Variants in MFSD11 observed in about 807,000 individuals in gnomAD.
MFSD11 encodes major facilitator superfamily domain containing 11.
In MFSD11, 36 loss-of-function variants were observed where a neutral mutation model predicts 53.5. The observed-to-expected ratio is 0.67, with a 90% CI of 0.52 to 0.89. The LOEUF (loss-of-function observed/expected upper bound fraction) is 0.89. Among genes scored for constraint, MFSD11 ranks in the 40% least tolerant of loss-of-function variants. The pLI is 0.00. For missense variants in MFSD11, 530 were observed against 543.9 expected, an observed-to-expected ratio of 0.97 and a Z score of 0.25; for synonymous variants, 186 against 184.9, an observed-to-expected ratio of 1.01 and a Z score of -0.05.
At chr17:76,746,078 A>G (rs1220019438) in intron 7 of MFSD11, among the ~76,000 whole-genome samples, 2 of 152,180 alleles carry the variant, frequency 1.3e-5, no homozygotes, top group African/African-American at 4.8e-5. Context: ...TGCAAAGGAA[A>G]AGTTTTTGAA....
the MFSD11 span, among the ~76,000 whole-genome samples, chr17:76,786,469 A>C: frequency 1.3e-5 from 2 of 152,138 alleles, no homozygotes; most frequent in Non-Finnish European, 2.9e-5. Flanking sequence ...TTGGGGATTC[A>C]CTAGGACTCA....
intron 2 of MFSD11, 138 bp from the exon 3 acceptor site, chr17:76,740,819 T>G: frequency 1.6e-6 from 1 of 609,644 alleles, no homozygotes; most frequent in Non-Finnish European, 2.9e-6. Flanking sequence ...TTGAATGATA[T>G]AACTATCATA....
Position 76,775,181 on chromosome 17 carries a change from C to T in MFSD11, c.1049+10C>T, listed in dbSNP as rs2081706931. The T allele has an allele frequency of 6.2e-7, 1 of 1,612,376 alleles. No homozygotes were observed. The highest frequency in any genetic ancestry group is 1.3e-5 in the African/African-American group (1 of 74,858). On this transcript the variant is annotated intron_variant, in intron 11 of 12. Transcript: ENST00000685175. Reference sequence around the variant, plus strand: ...CTTACATCAAATCCAGGTATAGTGGCTGTCATTTCTCTAGTCGCTTGAGTA... The same window carrying T: ...CTTACATCAAATCCAGGTATAGTGGTTGTCATTTCTCTAGTCGCTTGAGTA...
intron 8 of MFSD11, 164 bp downstream of exon 8, chr17:76,754,251 A>C: frequency 1.8e-6 from 1 of 570,452 alleles, no homozygotes; most frequent in Non-Finnish European, 3.1e-6. Context: ...ACATCTCTCT[A>C]ACATGGGGGT....
chr17:76,769,587 T>G, intron 9 of MFSD11, 159 bp from the exon 10 acceptor site: 1 of 524,580 alleles, frequency 1.9e-6, no homozygotes, highest in Non-Finnish European at 3.3e-6. Flanking sequence ...ATTTCATCAG[T>G]TACATCACAT....
chr17:76,789,978 A>G, the MFSD11 span, among the ~76,000 whole-genome samples: 3 of 150,418 alleles, frequency 2.0e-5, 1 homozygote, highest in African/African-American at 7.3e-5. Flanking sequence ...AAAATAAAAC[A>G]TAATTACTTT....
chr17:76,790,524 G>A, the MFSD11 span, among the ~76,000 whole-genome samples: 1 of 145,284 alleles, frequency 6.9e-6, no homozygotes, highest in Admixed American at 6.8e-5. Context: ...TGCCGTGTTG[G>A]CCAGGCTGGT....
intron 8 of MFSD11, among the ~76,000 whole-genome samples, chr17:76,760,423 G>A (rs1407019807): frequency 1.3e-5 from 2 of 152,138 alleles, no homozygotes; most frequent in Admixed American, 1.3e-4. Context: ...TTGGTTGGCA[G>A]AGGCAGAAGA....
intron 8 of MFSD11, among the ~76,000 whole-genome samples, chr17:76,754,425 G>T (rs527602228): frequency 6.6e-6 from 1 of 152,106 alleles, no homozygotes; most frequent in Non-Finnish European, 1.5e-5. Context: ...ACTCGCGCCT[G>T]TAATCTCAGC....
chr17:76,779,511 G>T (rs112024641), downstream of MFSD11, among the ~76,000 whole-genome samples: 310 of 152,062 alleles, frequency 2.0e-3, 4 homozygotes, highest in African/African-American at 7.2e-3. Flanking sequence ...TAGAGACGGA[G>T]TCTCACTCTG....
chr17:76,784,526 C>A (rs1286892668), downstream of MFSD11, among the ~76,000 whole-genome samples: 1 of 149,808 alleles, frequency 6.7e-6, no homozygotes, highest in Non-Finnish European at 1.5e-5. Flanking sequence ...AGTGAGACTC[C>A]ATCTCAAAAA....
chr17:76,794,687 T>G, the MFSD11 span, among the ~76,000 whole-genome samples: 175 of 3,984 alleles, frequency 0.044, 11 homozygotes, highest in African/African-American at 0.066. Flanking sequence ...CTCTTTTTTT[T>G]TTTTTTTTTT....
Position 76,776,815 on chromosome 17 carries a change from AT to A in MFSD11, c.1185+284del, listed in dbSNP as rs61647650. 0.072 allele frequency among the ~76,000 whole-genome samples: 10,519 copies of A among 146,942 alleles called. 1,187 individuals carry two copies. Among genetic ancestry groups the A allele is most frequent in the African/African-American group, 0.24 (9,722 of 40,332 alleles). On this transcript the variant is annotated intron_variant, in intron 12 of 12. Transcript: ENST00000685175. The surrounding 1 kb of genome is among the most constrained non-coding windows in gnomAD (Gnocchi z 4.2). Reference sequence around the variant, plus strand: ...ACCACCATGCCTGGCTAATTTTTGTATTTTTTTTTTCTTTTTAGCAGAGGCA... The same window carrying A: ...ACCACCATGCCTGGCTAATTTTTGTATTTTTTTTTCTTTTTAGCAGAGGCA...
chr17:76,793,507 C>T, the MFSD11 span, among the ~76,000 whole-genome samples: 1 of 151,376 alleles, frequency 6.6e-6, no homozygotes, highest in Non-Finnish European at 1.5e-5. Flanking sequence ...GCCCAGATTT[C>T]ATATTGTTCA....
At chr17:76,782,372 C>G, downstream of MFSD11, among the ~76,000 whole-genome samples, 1 of 151,174 alleles carries the variant, frequency 6.6e-6, no homozygotes, top group East Asian at 1.9e-4. Context: ...ACAGGGTTTC[C>G]TCATGTTGGT....
chr17:76,780,248 G>A (rs1210356636), downstream of MFSD11, among the ~76,000 whole-genome samples: 5 of 152,082 alleles, frequency 3.3e-5, no homozygotes, highest in Non-Finnish European at 7.3e-5. Flanking sequence ...ATCTGGCATG[G>A]CAACCACGAA....
intron 8 of MFSD11, among the ~76,000 whole-genome samples, chr17:76,764,692 C>CAT (rs945849800): frequency 1.3e-5 from 2 of 152,196 alleles, no homozygotes; most frequent in African/African-American, 4.8e-5. Context: ...TTAATACACA[C>CAT]ACACACACAC....
chr17:76,752,155 G>A (rs377550630), intron 7 of MFSD11, among the ~76,000 whole-genome samples: 4 of 152,176 alleles, frequency 2.6e-5, no homozygotes, highest in African/African-American at 7.2e-5. Flanking sequence ...TAGCTCAGGC[G>A]TGTTGTTGCT....
At chr17:76,744,537 C>A in intron 7 of MFSD11, 71 bp downstream of exon 7, 1 of 1,371,392 alleles carries the variant, frequency 7.3e-7, no homozygotes, top group Non-Finnish European at 9.9e-7. Context: ...AGATTACCAA[C>A]CCGTTTAGCC....
Sources: gnomAD v4.1 joint callset for allele counts (sites outside exome capture counted in the v4.1 genomes callset) on GRCh38, gnomAD v4.1.1 for gene constraint, Gnocchi (gnomAD v3.1) non-coding constraint, MANE v1.5 for transcripts, NCBI Gene and HGNC (gene_info 2026-07-23, HGNC 2026-07-21) for gene names.